Variants in RAB27B observed in about 807,000 individuals in gnomAD.
RAB27B encodes ras-related protein Rab-27B.
In RAB27B, 15 loss-of-function variants were observed where a neutral mutation model predicts 24.6. The ratio of observed to expected loss-of-function variants is 0.61; its 90% CI spans 0.41 to 0.94. RAB27B has a LOEUF of 0.94. RAB27B is among the 40% of genes least tolerant of loss of function. The pLI is 0.00. For synonymous variants in RAB27B, 105 were observed against 92.5 expected (o/e 1.14, Z -0.78); for missense variants, 261 against 266.8 (o/e 0.98, Z 0.15).
chr18:54,889,203 T>G, intron 5 of RAB27B, 21 bp from the exon 6 acceptor site: 2 of 1,585,394 alleles, frequency 1.3e-6, no homozygotes, highest in Non-Finnish European at 1.7e-6. Context: ...TCAAAAATAT[T>G]TGCCATCCTT....
chr18:54,814,651 T>C (rs894277349), intron 2 of RAB27B, among the ~76,000 whole-genome samples: 2 of 152,148 alleles, frequency 1.3e-5, no homozygotes, highest in Non-Finnish European at 2.9e-5. Context: ...AAAGGCAAGG[T>C]TTGTTAAGCA....
At position 54,891,214 on chromosome 18, in the gene RAB27B, A is replaced by G. The variant is rs1456479980; in HGVS notation, c.*1801A>G. On this transcript the variant is annotated 3_prime_UTR_variant, in exon 6 of 6. Transcript: ENST00000262094. ...GACAGATCCAAGGAAATGTCTCTTT[A>G]TAATGTTCTTAGGATGGACTAGACC... 1 of 152,058 alleles carries G rather than the reference A, an allele frequency of 6.6e-6. No individual in the cohort carries two copies. Among genetic ancestry groups the G allele is most frequent in the Non-Finnish European group, 1.5e-5 (1 of 67,990 alleles). 9.4% of individuals were successfully genotyped at this position (152,058 alleles called of 1,614,324 possible). A position where few individuals can be genotyped will look rare whatever the true frequency, so the allele number is the denominator to read the frequency against.
rs557668835 is a variant in RAB27B, at chr18:54,883,826, G to C, written c.240-507G>C. On this transcript the variant is annotated intron_variant, in intron 3 of 5. Coordinates refer to ENST00000262094, the MANE Select transcript of RAB27B (RefSeq NM_004163.4). ...ACCCCCAAACAGTGCTTTTTGAAAAGAGTTTTGTCATCAATATTCTTCCTT... is the reference window on the plus strand; with the variant it reads ...ACCCCCAAACAGTGCTTTTTGAAAACAGTTTTGTCATCAATATTCTTCCTT... 7.2e-5 allele frequency among the ~76,000 whole-genome samples: 11 copies of C among 152,146 alleles called. No homozygotes were observed. The South Asian group carries it at 2.3e-3, about 32-fold the overall frequency.
At chr18:54,736,522 T>C (rs1909898902) in intron 2 of RAB27B, among the ~76,000 whole-genome samples, 1 of 151,810 alleles carries the variant, frequency 6.6e-6, no homozygotes. Flanking sequence ...ATGAACAAGA[T>C]AGAAACAGGG....
chr18:54,880,827 G>C (rs1233598387), intron 3 of RAB27B: 8 of 152,138 alleles, frequency 5.3e-5, no homozygotes, highest in African/African-American at 1.9e-4. Flanking sequence ...GGGGGAAATG[G>C]GGAATACTCA....
intron 2 of RAB27B, among the ~76,000 whole-genome samples, chr18:54,793,957 T>A (rs573516129): frequency 6.6e-6 from 1 of 152,214 alleles, no homozygotes; most frequent in South Asian, 2.1e-4. Context: ...GCTGTAATTG[T>A]CATGATCCAC....
intron 2 of RAB27B, among the ~76,000 whole-genome samples, chr18:54,721,809 G>T (rs1177218420): frequency 6.6e-6 from 1 of 152,172 alleles, no homozygotes; most frequent in African/African-American, 2.4e-5. Context: ...TGGCTTTGTG[G>T]CATTTTCAGT....
chr18:54,832,211 T>C (rs991291022), intron 1 of RAB27B, among the ~76,000 whole-genome samples: 1 of 152,032 alleles, frequency 6.6e-6, no homozygotes, highest in East Asian at 1.9e-4. Context: ...GTCAGAACAG[T>C]GGCCACCAAG....
intron 1 of RAB27B, among the ~76,000 whole-genome samples, chr18:54,865,097 G>A (rs1168717276): frequency 2.6e-5 from 4 of 152,030 alleles, no homozygotes. Flanking sequence ...TTAAATATGT[G>A]TTATATATGA....
chr18:54,770,690 T>A (rs1176647398), intron 2 of RAB27B, among the ~76,000 whole-genome samples: 1 of 152,254 alleles, frequency 6.6e-6, no homozygotes, highest in South Asian at 2.1e-4. Flanking sequence ...CGGGGACCGC[T>A]ACTCTTTGAT....
At chr18:54,823,981 T>TTTAGC (rs3060014), upstream of RAB27B, among the ~76,000 whole-genome samples, 1 of 151,944 alleles carries the variant, frequency 6.6e-6, no homozygotes, top group African/African-American at 2.4e-5. Context: ...TTAGCAGCTT[T>TTTAGC]TGTACTTTTA....
intron 2 of RAB27B, among the ~76,000 whole-genome samples, chr18:54,774,914 CCCCTGAG>C (rs1273817244): frequency 6.6e-6 from 1 of 152,204 alleles, no homozygotes; most frequent in African/African-American, 2.4e-5. Context: ...ACTGCTGCAT[CCCCTGAG>C]CCCTGAGCCT....
At chr18:54,870,090 A>T (rs901821295) in intron 1 of RAB27B, among the ~76,000 whole-genome samples, 9 of 152,338 alleles carry the variant, frequency 5.9e-5, no homozygotes, top group African/African-American at 2.2e-4. Context: ...CACAGAAATG[A>T]TGGAAACATT....
intron 2 of RAB27B, among the ~76,000 whole-genome samples, chr18:54,764,169 T>G (rs1442938029): frequency 6.6e-6 from 1 of 152,192 alleles, no homozygotes; most frequent in Non-Finnish European, 1.5e-5. Context: ...ATTGACCCTG[T>G]GTTTACCATC....
intron 1 of RAB27B, among the ~76,000 whole-genome samples, chr18:54,851,033 C>T (rs1417532903): frequency 2.0e-5 from 3 of 152,008 alleles, no homozygotes; most frequent in Admixed American, 6.6e-5. Context: ...ATTCAATTAA[C>T]TAATATATGA....
intron 2 of RAB27B, among the ~76,000 whole-genome samples, chr18:54,807,934 T>C (rs117739824): frequency 4.1e-3 from 625 of 152,300 alleles, no homozygotes; most frequent in Non-Finnish European, 6.4e-3. Flanking sequence ...GGAATCCATA[T>C]TACTTGGTCT....
chr18:54,740,841 G>A (rs918577392), intron 2 of RAB27B, among the ~76,000 whole-genome samples: 6 of 152,240 alleles, frequency 3.9e-5, no homozygotes, highest in South Asian at 4.2e-4. Context: ...ATGATAGATC[G>A]ATAGATAGAT....
At chr18:54,868,534 C>T (rs1912332882) in intron 1 of RAB27B, among the ~76,000 whole-genome samples, 1 of 152,174 alleles carries the variant, frequency 6.6e-6, no homozygotes, top group African/African-American at 2.4e-5. Context: ...ACCTTGGGCA[C>T]ACTTTGGCAT....
In RAB27B at chr18:54,842,116, G is replaced by A. The variant is rs144778060; in HGVS notation, c.-20+13416G>A. Reference sequence around the variant, plus strand: ...GAATAGCTCTAAACTAAACTAATTCGTTCATCACAGGGAAATTTAGTTCTG... The same window carrying A: ...GAATAGCTCTAAACTAAACTAATTCATTCATCACAGGGAAATTTAGTTCTG... On this transcript the variant is annotated intron_variant, in intron 1 of 5. Coordinates refer to ENST00000262094, the MANE Select transcript of RAB27B (RefSeq NM_004163.4). Among the ~76,000 whole-genome samples the A allele has an allele frequency of 2.9e-3, 435 of 152,284 alleles. 4 individuals are homozygous for A. The highest frequency in any genetic ancestry group is 3.1e-3 in the Non-Finnish European group (209 of 68,018).
Sources: gnomAD v4.1 joint callset for allele counts (sites outside exome capture counted in the v4.1 genomes callset) on GRCh38, gnomAD v4.1.1 for gene constraint, MANE v1.5 for transcripts, NCBI Gene and HGNC (gene_info 2026-07-23, HGNC 2026-07-21) for gene names.